NUP85: variants seen among roughly 807,000 people sequenced by gnomAD.
NUP85 encodes the protein nuclear pore complex protein Nup85.
A neutral mutation model predicts 92.8 loss-of-function variants in NUP85; 23 were observed. The observed-to-expected ratio is 0.25, with a 90% CI of 0.18 to 0.35. The LOEUF is 0.35. Among genes scored for constraint, NUP85 ranks in the 10% least tolerant of loss-of-function variants. The pLI is 1.00. For missense variants in NUP85, 759 were observed against 822.8 expected (o/e 0.92, Z 0.95); for synonymous variants, 314 against 306.9 (o/e 1.02, Z -0.24).
At position 75,225,324 on chromosome 17, in the gene NUP85, G is replaced by A. The variant is rs575322606; in HGVS notation, c.733-18G>A. The A allele has an allele frequency of 2.5e-6, 4 of 1,614,150 alleles. No individual in the cohort carries two copies. Among genetic ancestry groups the A allele is most frequent in the Middle Eastern group, 1.6e-4 (1 of 6,062 alleles). On this transcript the variant is annotated intron_variant, in intron 8 of 18. Transcript: ENST00000245544. ...GGGTGTGGATGGGATGACGTCTCAT[G>A]GCTGGTCTCTCCCTTAGCCCGGGAA...
intron 7 of NUP85, among the ~76,000 whole-genome samples, chr17:75,218,709 A>T (rs1403822516): frequency 6.8e-6 from 1 of 147,554 alleles, no homozygotes; most frequent in East Asian, 2.0e-4. Flanking sequence ...GTTTGAGATT[A>T]GCCTGGGCAA....
intron 6 of NUP85, among the ~76,000 whole-genome samples, chr17:75,216,869 T>C (rs565096295): frequency 8.5e-5 from 13 of 152,142 alleles, no homozygotes; most frequent in Non-Finnish European, 1.9e-4. Context: ...GGCTGTACTC[T>C]GCCATTTTAT....
intron 16 of NUP85, among the ~76,000 whole-genome samples, chr17:75,233,386 T>G (rs1319733791): frequency 4.6e-5 from 1 of 21,594 alleles, no homozygotes; most frequent in African/African-American, 5.8e-5. Context: ...TTTCTCTCTT[T>G]CTTTCTCTTT....
Position 75,234,543 on chromosome 17 carries a change from C to T in NUP85, c.1616-94C>T, listed in dbSNP as rs1598364728. On this transcript the variant is annotated intron_variant, in intron 16 of 18. Coordinates refer to ENST00000245544, the MANE Select transcript of NUP85 (RefSeq NM_024844.5). Reference sequence around the variant, plus strand: ...GTGGAGTGGCTGGTCTGAGGTTTTTCTTCTCCTGTTTAGGGCCAGGGTGAC... The same window carrying T: ...GTGGAGTGGCTGGTCTGAGGTTTTTTTTCTCCTGTTTAGGGCCAGGGTGAC... The T allele has an allele frequency of 2.3e-6, 3 of 1,323,162 alleles. No homozygotes were observed. In the East Asian group the frequency reaches 6.9e-5, roughly 31 times the overall value. 82.0% of individuals were successfully genotyped at this position (1,323,162 alleles called of 1,614,324 possible). A position where few individuals can be genotyped will look rare whatever the true frequency, so the allele number is the denominator to read the frequency against.
intron 7 of NUP85, among the ~76,000 whole-genome samples, chr17:75,221,489 G>A (rs909141653): frequency 1.3e-5 from 2 of 152,034 alleles, no homozygotes; most frequent in Admixed American, 6.6e-5. Context: ...TGTTGCCTTG[G>A]CCTCCCAAAG....
Position 75,225,534 on chromosome 17 carries a change from G to A in NUP85, c.855+70G>A, listed in dbSNP as rs1005611266. ...GGGCTGTGGCATCCAGTGCAGCAGT[G>A]GCAGGAGCTTGGTCCTCCTTGGATA... On this transcript the variant is annotated intron_variant, in intron 9 of 18. Transcript: ENST00000245544. The A allele has an allele frequency of 6.3e-6, 10 of 1,586,328 alleles. No individual in the cohort carries two copies. The African/African-American group carries it at 1.2e-4, about 19-fold the overall frequency.
chr17:75,213,004 C>G (rs1001724587), intron 4 of NUP85, 72 bp from the exon 5 acceptor site: 1 of 1,379,170 alleles, frequency 7.3e-7, no homozygotes, highest in Non-Finnish European at 1.0e-6. Flanking sequence ...AGCCATAGAC[C>G]CTGGAATATT....
intron 7 of NUP85, among the ~76,000 whole-genome samples, chr17:75,222,731 G>T (rs1282049518): frequency 6.6e-6 from 1 of 151,832 alleles, no homozygotes; most frequent in Non-Finnish European, 1.5e-5. Context: ...ACATAATATT[G>T]TTGAATCATT....
intron 18 of NUP85, 90 bp downstream of exon 18, chr17:75,235,291 G>GACACATGTGCCTCTGTTCCCCTTCC: frequency 2.2e-6 from 2 of 898,480 alleles, no homozygotes; most frequent in Admixed American, 4.7e-5. Flanking sequence ...AGAAACACTG[G>GACACATGTGCCTCTGTTCCCCTTCC]CTCCTATGGA....
At position 75,234,716 on chromosome 17, in the gene NUP85, G is replaced by A. The variant is rs758258054; in HGVS notation, c.1695G>A (p.Thr565=). Residue 565 remains threonine, a synonymous_variant, in exon 17 of 19, where the codon ACG becomes ACA. Transcript: ENST00000245544. ...DAASLLLSLM[T]SRIAPRSFWM... Reference sequence around the variant, plus strand: ...CTTCTCTCCTTCTGTCCTTGATGACGTCTCGGATTGCCCCTCGGTCTTTCT... The same window carrying A: ...CTTCTCTCCTTCTGTCCTTGATGACATCTCGGATTGCCCCTCGGTCTTTCT... The A allele has an allele frequency of 9.9e-6, 16 of 1,614,052 alleles. No individual in the cohort carries two copies. The highest frequency in any genetic ancestry group is 4.0e-5 in the African/African-American group (3 of 74,922).
chr17:75,218,359 C>T, intron 7 of NUP85, 53 bp downstream of exon 7: 1 of 1,606,542 alleles, frequency 6.2e-7, no homozygotes, highest in Non-Finnish European at 8.5e-7. Flanking sequence ...GTCCCTGGTG[C>T]TGCCGGGTGG....
intron 17 of NUP85, 142 bp from the exon 18 acceptor site, chr17:75,234,958 C>A: frequency 1.9e-6 from 2 of 1,061,230 alleles, no homozygotes; most frequent in Non-Finnish European, 2.9e-6. Flanking sequence ...ACAAACACTG[C>A]TTGATTTGAA....
chr17:75,215,228 A>G (rs1015166708), intron 5 of NUP85, among the ~76,000 whole-genome samples: 1 of 152,116 alleles, frequency 6.6e-6, no homozygotes. Flanking sequence ...CTTTTTTTAA[A>G]TTTTGAGACA....
chr17:75,213,603 G>C (rs937304308), intron 5 of NUP85, among the ~76,000 whole-genome samples: 1 of 151,792 alleles, frequency 6.6e-6, no homozygotes, highest in East Asian at 1.9e-4. Context: ...TGAATGTTCC[G>C]TTCTTATGGA....
intron 4 of NUP85, among the ~76,000 whole-genome samples, chr17:75,212,857 A>C (rs2075316882): frequency 1.3e-5 from 2 of 152,024 alleles, no homozygotes; most frequent in Non-Finnish European, 2.9e-5. Flanking sequence ...TTGCAGTTGA[A>C]AGTGCCATTT....
chr17:75,235,538 T>C lies in NUP85; in HGVS notation c.1870-40T>C, dbSNP rs192869309. On this transcript the variant is annotated intron_variant, in intron 18 of 18. Transcript: ENST00000245544. ...CCCTTCGGGAGTGTGAAAGGGCTCC[T>C]TCCTGCTCTTAGCTCATGCTGGCGC... 5 of 1,489,922 alleles carry C rather than the reference T, an allele frequency of 3.4e-6. No homozygotes were observed. The East Asian group carries it at 1.1e-4, about 34-fold the overall frequency. 92.3% of individuals were successfully genotyped at this position (1,489,922 alleles called of 1,614,324 possible). A position where few individuals can be genotyped will look rare whatever the true frequency, so the allele number is the denominator to read the frequency against.
chr17:75,220,629 C>A (rs1489838570), intron 7 of NUP85, among the ~76,000 whole-genome samples: 1 of 151,816 alleles, frequency 6.6e-6, no homozygotes, highest in African/African-American at 2.4e-5. Flanking sequence ...TCTCTGTTGC[C>A]CAGGCTGGAG....
At chr17:75,235,544 C>A in intron 18 of NUP85, 34 bp from the exon 19 acceptor site, 1 of 1,529,874 alleles carries the variant, frequency 6.5e-7, no homozygotes, top group Non-Finnish European at 9.1e-7. Flanking sequence ...CTCCTTCCTG[C>A]TCTTAGCTCA....
chr17:75,232,734 C>T, intron 14 of NUP85, 117 bp from the exon 15 acceptor site: 1 of 862,048 alleles, frequency 1.2e-6, no homozygotes, highest in East Asian at 2.4e-5. Flanking sequence ...CATTTAGAGC[C>T]CAAAGAGTGG....
Sources: gnomAD v4.1 joint callset for allele counts (sites outside exome capture counted in the v4.1 genomes callset) on GRCh38, gnomAD v4.1.1 for gene constraint, MANE v1.5 for transcripts, NCBI Gene and HGNC (gene_info 2026-07-23, HGNC 2026-07-21) for gene names.